Variants in LRRC9 observed in about 807,000 individuals in gnomAD.
LRRC9 encodes the protein leucine rich repeat containing 9.
Under a neutral mutation model 63.2 loss-of-function variants are expected in LRRC9, and 122 were observed. That is an observed-to-expected ratio of 1.93 (90% CI 1.67 to 2.24). The LOEUF is 2.24. LRRC9 is among the 30% of genes most tolerant of loss of function. The pLI, the probability that LRRC9 is intolerant of heterozygous loss-of-function variation, is 0.00. For missense variants in LRRC9, 1,071 were observed against 627.7 expected (o/e 1.71, Z -7.55); for synonymous variants, 366 against 213.1 (o/e 1.72, Z -6.25).
chr14:59,966,949 G>A lies in LRRC9; in HGVS notation c.1389-147G>A, dbSNP rs188801988. On this transcript the variant is annotated intron_variant, in intron 11 of 31. Transcript: ENST00000445360. This position sits in a 1 kb window ranked among gnomAD's most constrained non-coding sequence, Gnocchi z 4.0. ...TATCCACATTGAGCCTGTTTTTGAG[G>A]TTGAAGGCAGGGGAGCTATTAATAA... 8.9e-4 allele frequency: 479 copies of A among 536,520 alleles called. No individual in the cohort carries two copies. Among genetic ancestry groups the A allele is most frequent in the Non-Finnish European group, 1.3e-3 (396 of 299,506 alleles). The allele number at this position is 536,520 out of a possible 1,614,324, so 33.2% of individuals were successfully genotyped here.
chr14:59,974,305 A>G (rs1365824801), intron 12 of LRRC9, among the ~76,000 whole-genome samples: 2 of 152,114 alleles, frequency 1.3e-5, no homozygotes, highest in African/African-American at 4.8e-5. Context: ...CCTGCTCCAC[A>G]TAGTATTATC....
At chr14:60,044,535 C>G in intron 29 of LRRC9, among the ~76,000 whole-genome samples, 1 of 152,110 alleles carries the variant, frequency 6.6e-6, no homozygotes, top group South Asian at 2.1e-4. Context: ...TAATTCCCTT[C>G]TTCATTGACC....
At chr14:60,062,814 C>G (rs1894736526) in intron 31 of LRRC9, among the ~76,000 whole-genome samples, 1 of 152,208 alleles carries the variant, frequency 6.6e-6, no homozygotes, top group African/African-American at 2.4e-5. Flanking sequence ...CCTACCTCAG[C>G]AGCAGATCTA....
At chr14:59,944,528 A>G (rs1386798131) in intron 7 of LRRC9, 61 bp from the exon 8 acceptor site, 2 of 525,966 alleles carry the variant, frequency 3.8e-6, no homozygotes. Flanking sequence ...ATATAATACC[A>G]CTAACAATTG....
Position 59,990,232 on chromosome 14 carries a change from C to A in LRRC9, c.2211+5008C>A, listed in dbSNP as rs1484697873. On this transcript the variant is annotated intron_variant, in intron 17 of 31. Transcript: ENST00000445360. This position sits in a 1 kb window ranked among gnomAD's most constrained non-coding sequence, Gnocchi z 4.2. The stretch of plus-strand genomic sequence containing the variant: ...ATGAGCCGCTGTGCCCAGCCTAGAT[C>A]TTCTTTTTTATTCACCTCTCGTGTC... Among the ~76,000 whole-genome samples, 6 of 151,966 alleles carry A rather than the reference C, an allele frequency of 3.9e-5. No homozygotes were observed. Among genetic ancestry groups the A allele is most frequent in the Non-Finnish European group, 8.8e-5 (6 of 67,990 alleles).
intron 29 of LRRC9, among the ~76,000 whole-genome samples, chr14:60,041,264 T>C (rs2140376099): frequency 6.6e-6 from 1 of 152,296 alleles, no homozygotes. Flanking sequence ...GAGGAGTATC[T>C]TCGTGGCATT....
chr14:60,035,941 T>C (rs772261130), intron 29 of LRRC9, among the ~76,000 whole-genome samples: 1 of 108,024 alleles, frequency 9.3e-6, no homozygotes, highest in South Asian at 3.0e-4. Flanking sequence ...TAACAACAGA[T>C]ATTTATTTCT....
intron 31 of LRRC9, chr14:60,059,076 A>T (rs1000763804): frequency 1.3e-5 from 2 of 152,172 alleles, no homozygotes; most frequent in Non-Finnish European, 2.9e-5. Context: ...CCCTGGATTC[A>T]TCTTCATAAC....
chr14:60,056,892 G>A (rs936586044), intron 30 of LRRC9, among the ~76,000 whole-genome samples: 10 of 152,084 alleles, frequency 6.6e-5, no homozygotes, highest in African/African-American at 2.2e-4. Context: ...CAAATAAGGA[G>A]GAAATAAATG....
intron 12 of LRRC9, among the ~76,000 whole-genome samples, chr14:59,974,311 T>C (rs777779625): frequency 4.6e-5 from 7 of 152,134 alleles, no homozygotes; most frequent in African/African-American, 1.7e-4. Context: ...CCACATAGTA[T>C]TATCAGTCTT....
At chr14:60,045,393 C>G (rs114213679) in intron 29 of LRRC9, among the ~76,000 whole-genome samples, 1 of 152,148 alleles carries the variant, frequency 6.6e-6, no homozygotes, top group South Asian at 2.1e-4. Flanking sequence ...AGCCAAGCAT[C>G]TATTAGCTAT....
chr14:59,996,231 T>A (rs1028149342), intron 17 of LRRC9, among the ~76,000 whole-genome samples: 1 of 151,024 alleles, frequency 6.6e-6, no homozygotes. Flanking sequence ...GCCTTAATAG[T>A]TTTTTACTGC....
intron 1 of LRRC9, chr14:59,920,217 G>C (rs1358790601): frequency 6.6e-6 from 1 of 152,440 alleles, no homozygotes; most frequent in Non-Finnish European, 1.5e-5. Flanking sequence ...TGGGAAATCG[G>C]AGTGGACTCG....
chr14:59,968,727 A>G (rs1885134624), intron 12 of LRRC9, among the ~76,000 whole-genome samples: 1 of 152,152 alleles, frequency 6.6e-6, no homozygotes, highest in African/African-American at 2.4e-5. Context: ...GGGAGAGGGT[A>G]AGGGAAGGAT....
intron 12 of LRRC9, among the ~76,000 whole-genome samples, chr14:59,968,032 T>A (rs1253103621): frequency 2.0e-5 from 3 of 152,086 alleles, no homozygotes; most frequent in Admixed American, 6.6e-5. Context: ...CAAATATGCA[T>A]CAACAGATGA....
intron 29 of LRRC9, among the ~76,000 whole-genome samples, chr14:60,050,292 G>C (rs567409727): frequency 7.9e-5 from 12 of 151,988 alleles, no homozygotes; most frequent in Non-Finnish European, 1.6e-4. Flanking sequence ...CACCATGCCC[G>C]GCCCTGTCTT....
intron 23 of LRRC9, among the ~76,000 whole-genome samples, chr14:60,011,490 TG>T (rs1890255870): frequency 6.6e-6 from 1 of 152,232 alleles, no homozygotes; most frequent in Non-Finnish European, 1.5e-5. Context: ...ACCAAATTTA[TG>T]ATTCAATAAT....
rs563993573 is a variant in LRRC9, at chr14:59,986,212, G to A, written c.2211+988G>A. Among the ~76,000 whole-genome samples the A allele has an allele frequency of 1.6e-4, 25 of 152,072 alleles. No individual in the cohort carries two copies. Among genetic ancestry groups the A allele is most frequent in the Non-Finnish European group, 3.4e-4 (23 of 67,988 alleles). On this transcript the variant is annotated intron_variant, in intron 17 of 31. Transcript: ENST00000445360. This position sits in a 1 kb window ranked among gnomAD's most constrained non-coding sequence, Gnocchi z 4.7. Reference sequence around the variant, plus strand: ...ATGGATATTGTCTGGCTTTTATTTTGTTATACATCATATAACAAAAATAAT... The same window carrying A: ...ATGGATATTGTCTGGCTTTTATTTTATTATACATCATATAACAAAAATAAT...
At chr14:59,972,865 T>C (rs577041597) in intron 12 of LRRC9, among the ~76,000 whole-genome samples, 3 of 152,248 alleles carry the variant, frequency 2.0e-5, no homozygotes, top group South Asian at 2.1e-4. Context: ...GTATGAGTTA[T>C]ATAGACAACA....
Sources: allele counts gnomAD v4.1 joint callset (sites outside exome capture counted in the v4.1 genomes callset), GRCh38; gene constraint gnomAD v4.1.1; non-coding constraint Gnocchi (gnomAD v3.1); transcripts MANE v1.5; gene names NCBI Gene and HGNC (gene_info 2026-07-23, HGNC 2026-07-21).